ZNF451: variants seen among roughly 807,000 people sequenced by gnomAD.
ZNF451 encodes the protein E3 SUMO-protein ligase ZNF451.
ZNF451 carries 80 observed loss-of-function variants against 107.1 expected under a neutral mutation model. The observed-to-expected ratio is 0.75, with a 90% confidence interval of 0.62 to 0.90. ZNF451 has a LOEUF of 0.90. ZNF451 is among the 40% of genes least tolerant of loss of function. ZNF451 has a pLI of 0.00. For missense variants in ZNF451, 1,107 were observed against 1,236.2 expected (o/e 0.90, Z 1.57); for synonymous variants, 362 against 406.5 (o/e 0.89, Z 1.32).
chr6:57,098,115 A>G (rs2127936232), intron 2 of ZNF451, among the ~76,000 whole-genome samples: 1 of 150,824 alleles, frequency 6.6e-6, no homozygotes, highest in East Asian at 2.0e-4. Context: ...GACTACAGGC[A>G]CGCACCACCA....
chr6:57,129,527 C>T (rs1317654894), intron 5 of ZNF451, among the ~76,000 whole-genome samples: 1 of 152,120 alleles, frequency 6.6e-6, no homozygotes, highest in Non-Finnish European at 1.5e-5. Context: ...AGTTTAATTA[C>T]AAAAGTTCAT....
intron 3 of ZNF451, among the ~76,000 whole-genome samples, chr6:57,119,369 A>T (rs1268138524): frequency 6.6e-6 from 1 of 152,116 alleles, no homozygotes; most frequent in Non-Finnish European, 1.5e-5. Flanking sequence ...TTTACTAAAA[A>T]TACAAAAATT....
intron 3 of ZNF451, chr6:57,100,954 G>A: frequency 6.4e-7 from 1 of 1,551,044 alleles, no homozygotes; most frequent in Non-Finnish European, 8.7e-7. Flanking sequence ...GCATGGACGG[G>A]ATGCCATCCT....
intron 4 of ZNF451, among the ~76,000 whole-genome samples, chr6:57,125,657 A>C (rs1830895164): frequency 6.6e-6 from 1 of 151,762 alleles, no homozygotes; most frequent in South Asian, 2.1e-4. Context: ...CATGTTTTTG[A>C]CTCCTTATTC....
intron 3 of ZNF451, chr6:57,099,654 T>C: frequency 3.2e-6 from 2 of 623,476 alleles, no homozygotes; most frequent in South Asian, 3.9e-5. Flanking sequence ...TTTGGAGTTA[T>C]TTATCTTACC....
intron 9 of ZNF451, among the ~76,000 whole-genome samples, chr6:57,144,364 C>T (rs554708749): frequency 3.3e-5 from 5 of 151,236 alleles, no homozygotes; most frequent in Non-Finnish European, 7.4e-5. Context: ...CCTCAGCCTC[C>T]CAAGTACCTG....
Position 57,102,854 on chromosome 6 carries a change from T to TA in ZNF451, c.186+3714dup, listed in dbSNP as rs1218740293. 6 of 985,294 alleles carry TA rather than the reference T, an allele frequency of 6.1e-6. No individual in the cohort carries two copies. The African/African-American group carries it at 1.0e-4, about 17-fold the overall frequency. The allele number at this position is 985,294 out of a possible 1,614,324, so 61.0% of individuals were successfully genotyped here. On this transcript the variant is annotated intron_variant, in intron 3 of 14. Transcript: ENST00000370706. The stretch of plus-strand genomic sequence containing the variant: ...TTCATCAAGACTTTGATGGCCACCA[T>TA]ACCATCACTACTCATAAAGCTACAT...
At chr6:57,091,853 C>G (rs1211142824) in intron 2 of ZNF451, among the ~76,000 whole-genome samples, 4 of 152,152 alleles carry the variant, frequency 2.6e-5, no homozygotes, top group Non-Finnish European at 5.9e-5. Context: ...CAGTTTCTTT[C>G]CCAGCATTAG....
chr6:57,141,506 G>T, intron 8 of ZNF451, 51 bp downstream of exon 8: 1 of 1,495,124 alleles, frequency 6.7e-7, no homozygotes, highest in South Asian at 1.3e-5. Context: ...AATCTTTGCT[G>T]ATTTATCATA....
rs561208445 is a variant in ZNF451 at position 57,169,663 on chromosome 6, T to C, written c.*1194T>C. The C allele has an allele frequency of 9.8e-5, 15 of 152,318 alleles. No homozygotes were observed. Among genetic ancestry groups the C allele is most frequent in the East Asian group, 5.8e-4 (3 of 5,186 alleles). The allele number at this position is 152,318 out of a possible 1,614,324, so 9.4% of individuals were successfully genotyped here. The stretch of plus-strand genomic sequence containing the variant: ...CTAAATATTTTAGTGTGAAATTGAA[T>C]TTTTTTATTACTATAGTCTTTTCAA... On this transcript the variant is annotated 3_prime_UTR_variant, in exon 15 of 15. Transcript: ENST00000370706.
chr6:57,167,597 C>G (rs1226355759), intron 14 of ZNF451, among the ~76,000 whole-genome samples: 3 of 152,156 alleles, frequency 2.0e-5, no homozygotes, highest in African/African-American at 7.2e-5. Context: ...ATCAGAGGAA[C>G]ATGCGGTTGC....
In ZNF451 at chr6:57,148,393, A is replaced by T; in HGVS notation, c.2308A>T (p.Thr770Ser). 1.9e-6 allele frequency: 3 copies of T among 1,613,860 alleles called. No individual in the cohort carries two copies. Among genetic ancestry groups the T allele is most frequent in the Non-Finnish European group, 2.5e-6 (3 of 1,179,850 alleles). Residue 770 changes from threonine (T) to serine (S), a missense_variant, in exon 10 of 15, where the codon ACT (threonine) becomes TCT (serine). Thr to Ser is a moderately conservative substitution (Grantham distance 58). Around this residue, in one of 5 missense-constraint regions of ZNF451, gnomAD observed 608 missense variants for 649.2 expected, o/e 0.94. Transcript: ENST00000370706. ...AGCACAGAATTTAACCGACATGAAC[A>T]CTCATATCCATCAAGTGCACAAAGA... ...ATAQNLTDMN[T>S]HIHQVHKEKS...
Position 57,142,095 on chromosome 6 carries a change from G to A in ZNF451, c.1004G>A (p.Arg335Lys), listed in dbSNP as rs771832383. Residue 335 changes from arginine to lysine, a missense_variant and splice_region_variant, in exon 9 of 15, where the codon AGA becomes AAA. Coordinates refer to ENST00000370706, the MANE Select transcript of ZNF451 (RefSeq NM_001031623.3). ...CACATGGAGCTCACTGCCCATTTCAGGTTTGTATTGGTCTGGAGCTGTAAA... is the reference window on the plus strand; with the variant it reads ...CACATGGAGCTCACTGCCCATTTCAAGTTTGTATTGGTCTGGAGCTGTAAA... ...RSHMELTAHF[R>K]VHCRNAGPVA... 1.2e-6 allele frequency: 2 copies of A among 1,610,430 alleles called. No individual in the cohort carries two copies. The highest frequency in any genetic ancestry group is 1.7e-6 in the Non-Finnish European group (2 of 1,177,140).
chr6:57,163,436 C>CTTTTTTTTTTTTTT lies in ZNF451; in HGVS notation c.3139+2303_3139+2316dup, dbSNP rs398001706. ...AATGGTTGCTTGTTAAATGAATAAA[C>CTTTTTTTTTTTTTT]TTTTTTTTTTTTTTTTTTTTTTTTT... On this transcript the variant is annotated intron_variant, in intron 14 of 14. Transcript: ENST00000370706. Among the ~76,000 whole-genome samples, 75 of 30,340 alleles carry CTTTTTTTTTTTTTT rather than the reference C, an allele frequency of 2.5e-3. 26 individuals are homozygous for CTTTTTTTTTTTTTT. The highest frequency in any genetic ancestry group is 3.3e-3 in the Non-Finnish European group (54 of 16,452). The allele number at this position is 30,340 out of a possible 152,430, so 19.9% of individuals were successfully genotyped here.
At position 57,133,212 on chromosome 6, in the gene ZNF451, T is replaced by C; in HGVS notation, c.575+20T>C. 1 of 1,604,318 alleles carries C rather than the reference T, an allele frequency of 6.2e-7. No individual in the cohort carries two copies. Among genetic ancestry groups the C allele is most frequent in the Non-Finnish European group, 8.5e-7 (1 of 1,173,178 alleles). The stretch of plus-strand genomic sequence containing the variant: ...GAAAAGGTAAGTAGGATATTCATAA[T>C]AGTGAATGCTGAAGATCTAGTGAGC... On this transcript the variant is annotated intron_variant, in intron 6 of 14. Transcript: ENST00000370706.
chr6:57,152,094 T>G, intron 11 of ZNF451, 127 bp from the exon 12 acceptor site: 1 of 747,810 alleles, frequency 1.3e-6, no homozygotes, highest in South Asian at 2.7e-5. Context: ...GATGGAGTTC[T>G]TCCACATTCT....
intron 11 of ZNF451, chr6:57,151,282 GA>G (rs1212683284): frequency 6.6e-6 from 1 of 152,230 alleles, no homozygotes; most frequent in Non-Finnish European, 1.4e-5. Context: ...TGAGGCAGGA[GA>G]ATGGTGTGAA....
Position 57,146,398 on chromosome 6 carries a change from A to G in ZNF451, c.1005-692A>G, listed in dbSNP as rs1242543524. ...CTAGGTTTTCTTCTAGAATTTTTATAGTTTCAGGTCTTAGCCTTTAATCCA... is the reference window on the plus strand; with the variant it reads ...CTAGGTTTTCTTCTAGAATTTTTATGGTTTCAGGTCTTAGCCTTTAATCCA... On this transcript the variant is annotated intron_variant, in intron 9 of 14. Coordinates refer to ENST00000370706, the MANE Select transcript of ZNF451 (RefSeq NM_001031623.3). Among the ~76,000 whole-genome samples, 4 of 152,060 alleles carry G rather than the reference A, an allele frequency of 2.6e-5. No homozygotes were observed. The South Asian group carries it at 6.2e-4, about 24-fold the overall frequency.
At chr6:57,149,671 GA>G (rs1298380921) in intron 10 of ZNF451, among the ~76,000 whole-genome samples, 2 of 152,130 alleles carry the variant, frequency 1.3e-5, no homozygotes, top group East Asian at 3.9e-4. Context: ...TGAATTTTTA[GA>G]GTCTTGCTCT....
Sources: allele counts gnomAD v4.1 joint callset (sites outside exome capture counted in the v4.1 genomes callset), GRCh38; gene constraint gnomAD v4.1.1; regional missense constraint gnomAD v4.1.1; transcripts MANE v1.5; gene names NCBI Gene and HGNC (gene_info 2026-07-23, HGNC 2026-07-21).